LRBA: variants seen among roughly 807,000 people sequenced by gnomAD.
The protein encoded by LRBA is LPS responsive beige-like anchor protein.
In LRBA, 176 loss-of-function variants were observed where a neutral mutation model predicts 330.0. The ratio of observed to expected loss-of-function variants is 0.53; its 90% CI spans 0.47 to 0.60. The LOEUF (loss-of-function observed/expected upper bound fraction) is 0.60. Ranked by LOEUF, LRBA falls within the 20% of genes least tolerant of loss-of-function variation. LRBA has a pLI of 0.00. For synonymous variants in LRBA, 1,230 were observed against 1,193.0 expected (o/e 1.03, Z -0.64); for missense variants, 3,259 against 3,444.8 (o/e 0.95, Z 1.35).
intron 2 of LRBA, among the ~76,000 whole-genome samples, chr4:150,934,807 G>GA (rs1222306745): frequency 2.0e-5 from 3 of 152,106 alleles, no homozygotes; most frequent in Non-Finnish European, 2.9e-5. Flanking sequence ...TCAGGAGTTT[G>GA]AGATCAGCCT....
chr4:150,719,332 A>T (rs1228451105), intron 36 of LRBA, among the ~76,000 whole-genome samples: 1 of 152,036 alleles, frequency 6.6e-6, no homozygotes, highest in African/African-American at 2.4e-5. Context: ...TTTCAAATTT[A>T]AAAAAAGTGC....
rs151027077 is a variant in LRBA at position 150,297,346 on chromosome 4, G to C, written c.8017+5279C>G. ...AGTTACAAGCAGTAAATACAGAGTT[G>C]TTTTGCTGGAACTTGAGGGCCTGCA... On this transcript the variant is annotated intron_variant, in intron 53 of 56. Coordinates refer to ENST00000651943, the MANE Select transcript of LRBA (RefSeq NM_001364905.1). Among the ~76,000 whole-genome samples, 1,423 of 152,280 alleles carry C rather than the reference G, an allele frequency of 9.3e-3. 10 individuals are homozygous for C. Among genetic ancestry groups the C allele is most frequent in the Non-Finnish European group, 0.015 (1,045 of 68,018 alleles).
intron 34 of LRBA, among the ~76,000 whole-genome samples, chr4:150,782,517 T>C (rs1362576125): frequency 1.3e-5 from 2 of 152,190 alleles, no homozygotes; most frequent in Non-Finnish European, 2.9e-5. Flanking sequence ...CAGCATTCCT[T>C]GGCTTGTGGC....
intron 2 of LRBA, among the ~76,000 whole-genome samples, chr4:150,983,146 T>A (rs1017074952): frequency 2.6e-5 from 4 of 151,992 alleles, no homozygotes; most frequent in Non-Finnish European, 5.9e-5. Context: ...ACCACAAAAT[T>A]AAATAAGAGA....
chr4:150,328,668 G>C (rs993609893), intron 48 of LRBA, among the ~76,000 whole-genome samples: 1 of 151,948 alleles, frequency 6.6e-6, no homozygotes, highest in African/African-American at 2.4e-5. Context: ...AAAGCACCTA[G>C]AGCAGAACCT....
At chr4:150,301,628 T>C (rs1048124283) in intron 53 of LRBA, among the ~76,000 whole-genome samples, 2 of 152,136 alleles carry the variant, frequency 1.3e-5, no homozygotes, top group Admixed American at 1.3e-4. Context: ...ACAAATATTA[T>C]ACATTTAAGA....
chr4:150,932,715 A>C (rs992358701), intron 2 of LRBA, among the ~76,000 whole-genome samples: 1 of 152,062 alleles, frequency 6.6e-6, no homozygotes, highest in Non-Finnish European at 1.5e-5. Context: ...CAGGAGTTTA[A>C]GATGAGCCAA....
chr4:150,849,676 C>T (rs1444826171), intron 24 of LRBA, 101 bp from the exon 25 acceptor site: 6 of 891,066 alleles, frequency 6.7e-6, no homozygotes, highest in Non-Finnish European at 1.1e-5. Flanking sequence ...TTTGCTTCAT[C>T]TTGAAAACTG....
chr4:150,436,598 G>C, intron 45 of LRBA, 126 bp downstream of exon 45: 3 of 678,602 alleles, frequency 4.4e-6, no homozygotes, highest in Admixed American at 6.9e-5. Context: ...TTTATAATTA[G>C]AACTTCAATA....
At chr4:150,910,634 C>A (rs2149481702) in intron 9 of LRBA, among the ~76,000 whole-genome samples, 1 of 152,264 alleles carries the variant, frequency 6.6e-6, no homozygotes, top group African/African-American at 2.4e-5. Flanking sequence ...TTTTTAAATA[C>A]TGTTTTGGCT....
chr4:150,914,124 C>G (rs1732310642), intron 9 of LRBA, 71 bp downstream of exon 9: 1 of 1,235,062 alleles, frequency 8.1e-7, no homozygotes, highest in East Asian at 2.5e-5. Flanking sequence ...TAACCAAACT[C>G]TCCATGTATA....
chr4:150,714,901 T>C (rs759326693), intron 36 of LRBA, among the ~76,000 whole-genome samples: 14 of 152,168 alleles, frequency 9.2e-5, no homozygotes, highest in Non-Finnish European at 1.6e-4. Flanking sequence ...CCAGAGTCAA[T>C]ATTATTTCAC....
chr4:150,881,353 C>A (rs1728364457), intron 17 of LRBA, among the ~76,000 whole-genome samples: 1 of 152,150 alleles, frequency 6.6e-6, no homozygotes. Context: ...AAACCAAAAT[C>A]ATGTCCTTTG....
At chr4:150,479,233 T>C (rs1182938404) in intron 42 of LRBA, among the ~76,000 whole-genome samples, 4 of 152,006 alleles carry the variant, frequency 2.6e-5, no homozygotes, top group Non-Finnish European at 5.9e-5. Flanking sequence ...ATTGTACCAC[T>C]GCACTCCAGC....
At chr4:151,003,589 A>G (rs1037205830) in intron 2 of LRBA, among the ~76,000 whole-genome samples, 3 of 151,986 alleles carry the variant, frequency 2.0e-5, no homozygotes, top group African/African-American at 7.3e-5. Flanking sequence ...ACTGGGCAAC[A>G]TAGTGAGACA....
intron 36 of LRBA, chr4:150,721,513 GTTT>G: frequency 1.0e-5 from 2 of 196,460 alleles, no homozygotes; most frequent in Non-Finnish European, 1.0e-5. Context: ...GAAGAACTGG[GTTT>G]TTTTTTTTTC....
intron 2 of LRBA, among the ~76,000 whole-genome samples, chr4:150,963,585 G>A (rs1169387029): frequency 1.3e-5 from 2 of 149,702 alleles, no homozygotes; most frequent in Non-Finnish European, 2.9e-5. Context: ...TGCCGAGATT[G>A]CAGCCTCTGC....
At chr4:150,742,144 ATTAT>A (rs759164612) in intron 35 of LRBA, among the ~76,000 whole-genome samples, 2 of 13,068 alleles carry the variant, frequency 1.5e-4, no homozygotes, top group South Asian at 1.2e-3. Flanking sequence ...TATTATTATT[ATTAT>A]TATTTTTTTT....
intron 40 of LRBA, among the ~76,000 whole-genome samples, chr4:150,542,632 C>T (rs1004276791): frequency 7.9e-5 from 12 of 152,054 alleles, no homozygotes; most frequent in Admixed American, 2.0e-4. Context: ...CTGCAGCTAA[C>T]GAGAAGAAAT....
Sources: gnomAD v4.1 joint callset for allele counts (sites outside exome capture counted in the v4.1 genomes callset) on GRCh38, gnomAD v4.1.1 for gene constraint, MANE v1.5 for transcripts, NCBI Gene and HGNC (gene_info 2026-07-23, HGNC 2026-07-21) for gene names.